The following MAK variants were observed in gnomAD, a reference collection of about 807,000 sequenced individuals.
MAK encodes male germ cell associated kinase, also known as serine/threonine-protein kinase MAK.
In MAK, 65 loss-of-function variants were observed where a neutral mutation model predicts 82.6. The observed-to-expected ratio is 0.79, with a 90% CI of 0.64 to 0.97. The LOEUF (loss-of-function observed/expected upper bound fraction) is 0.97, where lower values mean the gene tolerates loss of function less well. Ranked by LOEUF, MAK falls within the 50% of genes least tolerant of loss-of-function variation. The pLI is 0.00. For missense variants in MAK, 703 were observed against 780.2 expected, an observed-to-expected ratio of 0.90 and a Z score of 1.18; for synonymous variants, 250 against 274.2, an observed-to-expected ratio of 0.91 and a Z score of 0.87.
chr6:10,810,345 C>CT (rs111859354), intron 5 of MAK, among the ~76,000 whole-genome samples: 4,602 of 121,648 alleles, frequency 0.038, 192 homozygotes, highest in African/African-American at 0.11. Context: ...TTATCTTTTT[C>CT]TTTTTTTTTT....
chr6:10,811,021 CAG>C (rs1385397900), intron 5 of MAK, among the ~76,000 whole-genome samples: 1 of 152,094 alleles, frequency 6.6e-6, no homozygotes, highest in Non-Finnish European at 1.5e-5. Context: ...TTTTTTGAGA[CAG>C]AGTCTTGCTC....
chr6:10,834,191 A>G (rs1205177685), intron 1 of MAK, among the ~76,000 whole-genome samples: 1 of 152,206 alleles, frequency 6.6e-6, no homozygotes, highest in Non-Finnish European at 1.5e-5. Context: ...GGTGACATAT[A>G]TCTATCTCTT....
intron 2 of MAK, among the ~76,000 whole-genome samples, chr6:10,829,637 T>C (rs536833791): frequency 1.3e-5 from 2 of 152,328 alleles, no homozygotes; most frequent in East Asian, 3.9e-4. Flanking sequence ...CCTGTAGTTT[T>C]GGTCCAAATG....
chr6:10,822,017 G>C (rs1777981456), intron 2 of MAK, among the ~76,000 whole-genome samples: 1 of 147,128 alleles, frequency 6.8e-6, no homozygotes, highest in Non-Finnish European at 1.5e-5. Flanking sequence ...CGTGGTGGCG[G>C]GCGCCTGTAG....
intron 6 of MAK, 79 bp from the exon 7 acceptor site, chr6:10,803,970 G>T (rs1299864837): frequency 1.6e-6 from 2 of 1,224,200 alleles, no homozygotes; most frequent in African/African-American, 3.0e-5. Context: ...TACGCTGTGT[G>T]GTCATGCATT....
intron 13 of MAK, among the ~76,000 whole-genome samples, chr6:10,772,437 G>A (rs1392003664): frequency 1.3e-5 from 2 of 151,748 alleles, no homozygotes; most frequent in South Asian, 2.1e-4. Flanking sequence ...TCCGCCTCCC[G>A]GGTTCAAGCG....
At chr6:10,822,468 AT>A (rs1198882885) in intron 2 of MAK, among the ~76,000 whole-genome samples, 1 of 152,024 alleles carries the variant, frequency 6.6e-6, no homozygotes, top group African/African-American at 2.4e-5. Flanking sequence ...AAAAAAAAAA[AT>A]CTGTATTCTC....
chr6:10,806,835 C>T (rs1281576946), intron 6 of MAK, among the ~76,000 whole-genome samples: 1 of 151,912 alleles, frequency 6.6e-6, no homozygotes, highest in Admixed American at 6.6e-5. Flanking sequence ...AAACCCACAT[C>T]AGAAGCCAAG....
intron 6 of MAK, among the ~76,000 whole-genome samples, chr6:10,804,430 C>T (rs1020621972): frequency 6.6e-6 from 1 of 152,178 alleles, no homozygotes; most frequent in Non-Finnish European, 1.5e-5. Context: ...GCAACCTCCG[C>T]CTCTTGGGTT....
chr6:10,777,118 A>G (rs1215326769), intron 11 of MAK, among the ~76,000 whole-genome samples: 1 of 151,732 alleles, frequency 6.6e-6, no homozygotes, highest in African/African-American at 2.4e-5. Context: ...ATATTAAAAC[A>G]TCTTTAGGCC....
chr6:10,831,385 T>G (rs1287786451), intron 1 of MAK, among the ~76,000 whole-genome samples: 3 of 152,220 alleles, frequency 2.0e-5, no homozygotes, highest in African/African-American at 7.2e-5. Context: ...AACATGCTAC[T>G]TTATTTTACA....
In MAK at chr6:10,796,191, A is replaced by G. The variant is rs1279615798; in HGVS notation, c.950T>C (p.Val317Ala). The G allele has an allele frequency of 1.2e-6, 2 of 1,614,230 alleles. No homozygotes were observed. Among genetic ancestry groups the G allele is most frequent in the African/African-American group, 1.3e-5 (1 of 75,058 alleles). ...CGGCAGAGGCTTAGGCTCTACCTCA[A>G]CTAAAGATGGCTTTGATTCTAATGG... ...LQPLESKPSLVEVEPKPLPDI... is the reference protein window; with the variant it reads ...LQPLESKPSLAEVEPKPLPDI... The change falls in exon 9 of 15, where the codon GTT becomes GCT. Residue 317 changes from valine to alanine, a missense_variant. Val to Ala is a moderately conservative substitution (Grantham distance 64). Coordinates refer to ENST00000354489, the MANE Select transcript of MAK (RefSeq NM_001242957.3).
rs1772173711 is a variant in MAK, at chr6:10,764,048, A to G, written c.*404T>C. The G allele has an allele frequency of 5.7e-6, 1 of 174,714 alleles. No individual in the cohort carries two copies. The highest frequency in any genetic ancestry group is 1.2e-5 in the Non-Finnish European group (1 of 81,968). 10.8% of individuals were successfully genotyped at this position (174,714 alleles called of 1,614,324 possible). On this transcript the variant is annotated 3_prime_UTR_variant, in exon 15 of 15. Coordinates refer to ENST00000354489, the MANE Select transcript of MAK (RefSeq NM_001242957.3). Reference sequence around the variant, plus strand: ...TACAAAAACAAAAGACAAACCTCTTAAGCCAACCACAGCAAAGTGAAGAAC... The same window carrying G: ...TACAAAAACAAAAGACAAACCTCTTGAGCCAACCACAGCAAAGTGAAGAAC...
At chr6:10,811,977 A>T (rs1373666723) in intron 5 of MAK, among the ~76,000 whole-genome samples, 1 of 152,192 alleles carries the variant, frequency 6.6e-6, no homozygotes, top group African/African-American at 2.4e-5. Flanking sequence ...AGGTTGGAGG[A>T]TCACTTGAGT....
Position 10,818,866 on chromosome 6 carries a change from T to C in MAK, c.156+20A>G. 6.8e-7 allele frequency: 1 copy of C among 1,477,276 alleles called. No individual in the cohort carries two copies. The allele number at this position is 1,477,276 out of a possible 1,614,324, so 91.5% of individuals were successfully genotyped here. A position where few individuals can be genotyped will look rare whatever the true frequency, so the allele number is the denominator to read the frequency against. On this transcript the variant is annotated intron_variant, in intron 3 of 14. Transcript: ENST00000354489. ...TAGTGTTAAGGCCTTCTCAGGTTCT[T>C]TTCATCTTTAGGATTTTACCTTAAC...
At chr6:10,766,872 A>T (rs538389893) in intron 14 of MAK, among the ~76,000 whole-genome samples, 5 of 152,222 alleles carry the variant, frequency 3.3e-5, no homozygotes, top group Non-Finnish European at 5.9e-5. Context: ...TTTTAAATGA[A>T]ATTGTGTCCA....
intron 11 of MAK, among the ~76,000 whole-genome samples, chr6:10,777,011 G>A (rs942434528): frequency 1.3e-5 from 2 of 151,288 alleles, no homozygotes; most frequent in African/African-American, 4.9e-5. Flanking sequence ...TCGCACCACT[G>A]CACTCTAGCC....
At chr6:10,794,137 G>T (rs1007112764) in intron 9 of MAK, among the ~76,000 whole-genome samples, 7 of 152,198 alleles carry the variant, frequency 4.6e-5, no homozygotes, top group African/African-American at 1.7e-4. Context: ...CTAGAAAAGT[G>T]ATTAGCCTTC....
intron 2 of MAK, among the ~76,000 whole-genome samples, chr6:10,824,720 G>T (rs1392018110): frequency 2.0e-5 from 3 of 152,120 alleles, no homozygotes; most frequent in Admixed American, 1.3e-4. Flanking sequence ...CCCCTTTGTG[G>T]CTTTCTTAAC....
Sources: allele counts gnomAD v4.1 joint callset (sites outside exome capture counted in the v4.1 genomes callset), GRCh38; gene constraint gnomAD v4.1.1; transcripts MANE v1.5; gene names NCBI Gene and HGNC (gene_info 2026-07-23, HGNC 2026-07-21).